The following NAV2 variants were observed in gnomAD, a reference collection of about 807,000 sequenced individuals.
NAV2 encodes the protein helicase, APC down-regulated 1.
In NAV2, 54 loss-of-function variants were observed where a neutral mutation model predicts 223.2. The observed-to-expected ratio is 0.24, with a 90% CI of 0.19 to 0.30. The LOEUF is 0.30. NAV2 is among the 10% of genes least tolerant of loss of function. The probability of loss-of-function intolerance (pLI) is 1.00; values close to 1 mark genes in which losing one functional copy is unlikely to be tolerated. For missense variants in NAV2, 2,806 were observed against 3,147.5 expected (o/e 0.89, Z 2.60); for synonymous variants, 1,279 against 1,239.3 (o/e 1.03, Z -0.67).
intron 10 of NAV2, among the ~76,000 whole-genome samples, chr11:19,963,328 A>G (rs2048495672): frequency 6.6e-6 from 1 of 152,230 alleles, no homozygotes; most frequent in Non-Finnish European, 1.5e-5. Context: ...CCACACAGAC[A>G]GTAACTGGTG....
At chr11:19,961,806 T>C (rs1397660251) in intron 10 of NAV2, among the ~76,000 whole-genome samples, 1 of 152,126 alleles carries the variant, frequency 6.6e-6, no homozygotes, top group African/African-American at 2.4e-5. Context: ...CTTGCCTTTT[T>C]AGTCTTTTAT....
intron 1 of NAV2, among the ~76,000 whole-genome samples, chr11:19,568,285 G>C (rs1456529671): frequency 1.3e-5 from 2 of 152,196 alleles, no homozygotes; most frequent in Non-Finnish European, 2.9e-5. Flanking sequence ...GCTCAGGCAA[G>C]GATGCCCAGT....
chr11:19,481,139 A>G (rs1374264046), intron 1 of NAV2, among the ~76,000 whole-genome samples: 1 of 152,204 alleles, frequency 6.6e-6, no homozygotes, highest in Non-Finnish European at 1.5e-5. Flanking sequence ...AGTGTCTACA[A>G]GAGTGACATA....
At chr11:19,901,462 G>C (rs140062259) in intron 6 of NAV2, among the ~76,000 whole-genome samples, 1 of 152,122 alleles carries the variant, frequency 6.6e-6, no homozygotes, top group Non-Finnish European at 1.5e-5. Context: ...CAGGAGAATC[G>C]CTTGAACCTG....
At chr11:19,397,396 A>AGTGTGTGTGTGTGTGTGTGTGT (rs1554919830) in intron 1 of NAV2, among the ~76,000 whole-genome samples, 37 of 143,816 alleles carry the variant, frequency 2.6e-4, no homozygotes, top group South Asian at 1.1e-3. Context: ...TTCTCTGGGG[A>AGTGTGTGTGTGTGTGTGTGTGT]GTGTGTGTGT....
chr11:19,523,783 C>T (rs546151855), intron 1 of NAV2, among the ~76,000 whole-genome samples: 1 of 152,308 alleles, frequency 6.6e-6, no homozygotes, highest in East Asian at 1.9e-4. Context: ...CCAGCATCCT[C>T]ACTCTCTATA....
At chr11:19,416,533 T>G (rs1287500888) in intron 1 of NAV2, among the ~76,000 whole-genome samples, 2 of 152,216 alleles carry the variant, frequency 1.3e-5, no homozygotes, top group African/African-American at 4.8e-5. Context: ...AAGTAATTTA[T>G]AGACTTTATG....
chr11:19,976,579 A>G (rs1047754162), intron 10 of NAV2, among the ~76,000 whole-genome samples: 10 of 152,186 alleles, frequency 6.6e-5, no homozygotes, highest in African/African-American at 2.4e-4. Flanking sequence ...TTAGCTTAGC[A>G]ACATCTTTGC....
chr11:19,649,920 CAA>C (rs2047921098), intron 1 of NAV2, among the ~76,000 whole-genome samples: 1 of 152,158 alleles, frequency 6.6e-6, no homozygotes, highest in Non-Finnish European at 1.5e-5. Context: ...TGCCAAAACA[CAA>C]AAGTGTGACA....
chr11:19,860,178 C>A (rs2061656667), intron 3 of NAV2, among the ~76,000 whole-genome samples: 1 of 148,110 alleles, frequency 6.8e-6, no homozygotes, highest in African/African-American at 2.5e-5. Context: ...GGCTGACCCC[C>A]CACCTCCCTC....
chr11:19,382,039 G>A (rs866380597), intron 1 of NAV2, among the ~76,000 whole-genome samples: 4 of 152,290 alleles, frequency 2.6e-5, no homozygotes, highest in Admixed American at 2.0e-4. Flanking sequence ...ACCCCCAGGT[G>A]GGAATGCTGC....
At chr11:19,717,799 G>A (rs1055775918) in intron 1 of NAV2, among the ~76,000 whole-genome samples, 9 of 152,104 alleles carry the variant, frequency 5.9e-5, no homozygotes, top group Non-Finnish European at 1.2e-4. Flanking sequence ...TTTTAGCTTG[G>A]GGTTCAGAAT....
chr11:19,456,734 A>G (rs1042397052), intron 1 of NAV2, among the ~76,000 whole-genome samples: 1 of 152,216 alleles, frequency 6.6e-6, no homozygotes, highest in Non-Finnish European at 1.5e-5. Context: ...GTGGGATTTG[A>G]ACCCAGGTCG....
In NAV2 at chr11:19,934,121, G is replaced by A. The variant is rs760618187; in HGVS notation, c.1877G>A (p.Gly626Glu). 4.3e-6 allele frequency: 7 copies of A among 1,614,078 alleles called. No homozygotes were observed. The African/African-American group carries it at 8.0e-5, about 18-fold the overall frequency. ...LASSEGKGPG[G>E]TTLNHSISSQ... is the part of the protein sequence containing the mutation. The stretch of plus-strand genomic sequence containing the variant: ...TCCTCAGAAGGAAAAGGCCCAGGAG[G>A]GACCACCCTGAACCACAGCATCAGC... The change falls in exon 7 of 38, where the codon GGG (glycine) becomes GAG (glutamate). Residue 626 changes from glycine to glutamate, a missense_variant. Physicochemically the swap from Gly to Glu is moderately conservative, Grantham distance 98. Around this residue, in one of 4 missense-constraint regions of NAV2, gnomAD observed 1,167 missense variants for 1,180.5 expected, o/e 0.99. Transcript: ENST00000349880.
chr11:19,518,783 T>A (rs1342135157), intron 1 of NAV2, among the ~76,000 whole-genome samples: 2 of 151,962 alleles, frequency 1.3e-5, no homozygotes, highest in Non-Finnish European at 2.9e-5. Context: ...CTGGACGGGG[T>A]GTTTGCGCCC....
At chr11:19,736,296 T>C (rs2052294460) in intron 1 of NAV2, among the ~76,000 whole-genome samples, 1 of 152,210 alleles carries the variant, frequency 6.6e-6, no homozygotes, top group Non-Finnish European at 1.5e-5. Context: ...GGATTAAAAA[T>C]AGCTTTCTTT....
intron 1 of NAV2, among the ~76,000 whole-genome samples, chr11:19,827,719 AT>A (rs1053297104): frequency 1.4e-4 from 21 of 151,088 alleles, no homozygotes; most frequent in South Asian, 4.2e-4. Flanking sequence ...TATTTTTTTA[AT>A]TTTAAAAAAT....
At chr11:19,621,106 G>C (rs908490030) in intron 1 of NAV2, among the ~76,000 whole-genome samples, 2 of 152,198 alleles carry the variant, frequency 1.3e-5, no homozygotes, top group African/African-American at 4.8e-5. Context: ...TCCCAGGAAA[G>C]AAGCCCACTT....
At chr11:19,474,113 A>T (rs1176038598) in intron 1 of NAV2, among the ~76,000 whole-genome samples, 1 of 152,226 alleles carries the variant, frequency 6.6e-6, no homozygotes, top group African/African-American at 2.4e-5. Flanking sequence ...CAGGGAACCC[A>T]AACTAAGAAA....
Sources: allele counts gnomAD v4.1 joint callset (sites outside exome capture counted in the v4.1 genomes callset), GRCh38; gene constraint gnomAD v4.1.1; regional missense constraint gnomAD v4.1.1; transcripts MANE v1.5; gene names NCBI Gene and HGNC (gene_info 2026-07-23, HGNC 2026-07-21).